The following TMC2 variants were observed in gnomAD, a reference collection of about 807,000 sequenced individuals.
TMC2 encodes the protein transmembrane channel like 2.
TMC2 carries 102 observed loss-of-function variants against 105.9 expected under a neutral mutation model. The ratio of observed to expected loss-of-function variants is 0.96; its 90% CI spans 0.82 to 1.14. The LOEUF (loss-of-function observed/expected upper bound fraction) is 1.14, where lower values mean the gene tolerates loss of function less well. Among genes scored for constraint, TMC2 ranks in the 50% most tolerant of loss-of-function variants. The probability of loss-of-function intolerance (pLI) is 0.00; values close to 1 mark genes in which losing one functional copy is unlikely to be tolerated. For synonymous variants in TMC2, 402 were observed against 422.8 expected, an observed-to-expected ratio of 0.95 and a Z score of 0.60; for missense variants, 1,093 against 1,134.3, an observed-to-expected ratio of 0.96 and a Z score of 0.52.
intron 8 of TMC2, among the ~76,000 whole-genome samples, chr20:2,593,617 T>C (rs1307867745): frequency 6.6e-6 from 1 of 152,208 alleles, no homozygotes; most frequent in African/African-American, 2.4e-5. Flanking sequence ...ATCCCATCAT[T>C]AGGCAAAATG....
chr20:2,541,248 T>G (rs1026034084), intron 2 of TMC2, among the ~76,000 whole-genome samples: 12 of 152,260 alleles, frequency 7.9e-5, no homozygotes, highest in Non-Finnish European at 4.4e-5. Context: ...ATTCTATTAC[T>G]GAATATTTAG....
At chr20:2,566,361 G>A (rs562387718) in intron 4 of TMC2, among the ~76,000 whole-genome samples, 1 of 152,330 alleles carries the variant, frequency 6.6e-6, no homozygotes, top group East Asian at 1.9e-4. Flanking sequence ...ACTATGCTGA[G>A]CCCTGAGAGA....
chr20:2,538,313 A>C (rs1177096658), intron 2 of TMC2, among the ~76,000 whole-genome samples: 1 of 152,124 alleles, frequency 6.6e-6, no homozygotes, highest in Non-Finnish European at 1.5e-5. Context: ...CCTGGCCCCT[A>C]TCCCGGAACT....
In TMC2 at chr20:2,605,216, G is replaced by A. The variant is rs148087432; in HGVS notation, c.1413+2915G>A. 1.2e-3 allele frequency among the ~76,000 whole-genome samples: 181 copies of A among 152,272 alleles called. 3 individuals are homozygous for A. Among genetic ancestry groups the A allele is most frequent in the African/African-American group, 4.3e-3 (177 of 41,548 alleles). On this transcript the variant is annotated intron_variant, in intron 11 of 19. Transcript: ENST00000358864. Reference sequence around the variant, plus strand: ...TGGGAAAAAATTTGGTGTCAGAAGTGTCAAATGTGTCTGACACATTTGGTG... The same window carrying A: ...TGGGAAAAAATTTGGTGTCAGAAGTATCAAATGTGTCTGACACATTTGGTG...
intron 7 of TMC2, among the ~76,000 whole-genome samples, chr20:2,582,664 T>A (rs2086202386): frequency 6.6e-6 from 1 of 151,946 alleles, no homozygotes; most frequent in South Asian, 2.1e-4. Flanking sequence ...TTAGTAGAGA[T>A]GGGGTTTCGC....
chr20:2,599,976 C>A (rs1177841282), intron 10 of TMC2, among the ~76,000 whole-genome samples: 1 of 152,206 alleles, frequency 6.6e-6, no homozygotes, highest in Admixed American at 6.5e-5. Context: ...GGTTTCCCAG[C>A]CCTAGAGCCC....
chr20:2,577,001 TG>T (rs1431256826), intron 5 of TMC2, among the ~76,000 whole-genome samples: 1 of 149,926 alleles, frequency 6.7e-6, no homozygotes, highest in East Asian at 2.0e-4. Context: ...CTCCGCCTCC[TG>T]GGTTAAGTGA....
At chr20:2,613,365 A>G (rs528633074) in intron 14 of TMC2, 43 bp downstream of exon 14, 23 of 1,613,392 alleles carry the variant, frequency 1.4e-5, no homozygotes, top group East Asian at 6.7e-5. Flanking sequence ...AGGAATTTCA[A>G]CTATCTTCTT....
Position 2,620,743 on chromosome 20 carries a change from G to A in TMC2, c.2180+3432G>A, listed in dbSNP as rs1019510191. On this transcript the variant is annotated intron_variant, in intron 16 of 19. Transcript: ENST00000358864. ...TTCAAGAAGAAGGAAGGGTGGAAGT[G>A]TTCTTCCAAGGGCAGAACTGTGAAC... Among the ~76,000 whole-genome samples, 3 of 152,120 alleles carry A rather than the reference G, an allele frequency of 2.0e-5. No individual in the cohort carries two copies. In the South Asian group the frequency reaches 6.2e-4, roughly 32 times the overall value.
intron 3 of TMC2, among the ~76,000 whole-genome samples, chr20:2,559,974 G>A (rs960764378): frequency 1.4e-4 from 22 of 152,214 alleles, no homozygotes; most frequent in African/African-American, 4.8e-4. Flanking sequence ...TTCAGTTCCC[G>A]TTGCCTAGAT....
intron 7 of TMC2, 103 bp downstream of exon 7, chr20:2,580,159 C>A (rs1358483551): frequency 4.8e-6 from 3 of 628,054 alleles, no homozygotes; most frequent in South Asian, 2.7e-5. Flanking sequence ...ATCAGTCATT[C>A]ATTTAAAATG....
Position 2,641,182 on chromosome 20 carries a change from C to G in TMC2, c.2552C>G (p.Ala851Gly). ...ASQSQAMDKK[A>G]QGPGTSNSAS... ...CAAAGCCAGGCCATGGACAAGAAGG[C>G]GCAGGGCCCTGGGACCTCCAATTCT... The change falls in exon 20 of 20, where the codon GCG becomes GGG. Residue 851 changes from alanine to glycine, a missense_variant. Physicochemically the swap from Ala to Gly is moderately conservative, Grantham distance 60. Transcript: ENST00000358864. 1.2e-6 allele frequency: 2 copies of G among 1,614,166 alleles called. No homozygotes were observed. The highest frequency in any genetic ancestry group is 1.7e-4 in the Middle Eastern group (1 of 6,060).
At chr20:2,623,332 G>A (rs2086539194) in intron 16 of TMC2, among the ~76,000 whole-genome samples, 1 of 152,028 alleles carries the variant, frequency 6.6e-6, no homozygotes, top group Non-Finnish European at 1.5e-5. Flanking sequence ...GAGGTCAGAA[G>A]TTTGAGAGCA....
intron 7 of TMC2, among the ~76,000 whole-genome samples, chr20:2,585,214 G>A (rs1600113625): frequency 6.6e-6 from 1 of 152,126 alleles, no homozygotes; most frequent in Admixed American, 6.5e-5. Flanking sequence ...CACCATATGA[G>A]TATATCATAG....
Position 2,568,075 on chromosome 20 carries a change from A to C in TMC2, c.555-4104A>C, listed in dbSNP as rs112377282. On this transcript the variant is annotated intron_variant, in intron 4 of 19. Coordinates refer to ENST00000358864, the MANE Select transcript of TMC2 (RefSeq NM_080751.3). The stretch of plus-strand genomic sequence containing the variant: ...AGGAGAAAAAGGATGAGACTGAAAA[A>C]GTATTCAAAGAAATTATGGCTAAAA... Among the ~76,000 whole-genome samples the C allele has an allele frequency of 2.7e-3, 411 of 152,336 alleles. 3 individuals are homozygous for C. Among genetic ancestry groups the C allele is most frequent in the African/African-American group, 8.0e-3 (334 of 41,568 alleles).
intron 7 of TMC2, among the ~76,000 whole-genome samples, chr20:2,583,607 C>T (rs1053410632): frequency 1.3e-5 from 2 of 152,112 alleles, no homozygotes; most frequent in African/African-American, 4.8e-5. Context: ...GGATTACAGG[C>T]ATGTGCCGCC....
At chr20:2,597,966 G>A (rs893267073) in intron 10 of TMC2, among the ~76,000 whole-genome samples, 5 of 152,072 alleles carry the variant, frequency 3.3e-5, no homozygotes, top group African/African-American at 1.2e-4. Flanking sequence ...AGATCTCCTG[G>A]GATCCACTAA....
rs754932424 is a variant in TMC2, at chr20:2,592,303, G to A, written c.835-7G>A. 3.1e-6 allele frequency: 5 copies of A among 1,600,486 alleles called. No individual in the cohort carries two copies. The East Asian group carries it at 8.9e-5, about 29-fold the overall frequency. On this transcript the variant is annotated splice_region_variant and splice_polypyrimidine_tract_variant and intron_variant, in intron 7 of 19. Coordinates refer to ENST00000358864, the MANE Select transcript of TMC2 (RefSeq NM_080751.3). The surrounding 1 kb of genome is among the most constrained non-coding windows in gnomAD (Gnocchi z 4.9). ...CTCATACTTGTGTCATTGTGTTTCT[G>A]CACAAGGTACTGATGGGCATGCCCT...
At chr20:2,601,519 T>A (rs762792567) in intron 10 of TMC2, among the ~76,000 whole-genome samples, 36 of 152,200 alleles carry the variant, frequency 2.4e-4, no homozygotes, top group Non-Finnish European at 3.8e-4. Flanking sequence ...TAACAGTAAC[T>A]ATTCTACTGG....
Sources: allele counts gnomAD v4.1 joint callset (sites outside exome capture counted in the v4.1 genomes callset), GRCh38; gene constraint gnomAD v4.1.1; non-coding constraint Gnocchi (gnomAD v3.1); transcripts MANE v1.5; gene names NCBI Gene and HGNC (gene_info 2026-07-23, HGNC 2026-07-21).